The following PAH variants were observed in gnomAD, a reference collection of about 807,000 sequenced individuals.
PAH encodes phenylalanine-4-hydroxylase.
Under a neutral mutation model 62.0 loss-of-function variants are expected in PAH, and 64 were observed. The observed-to-expected ratio is 1.03, with a 90% CI of 0.84 to 1.27. The LOEUF is 1.27. Ranked by LOEUF, PAH falls within the 50% of genes most tolerant of loss-of-function variation. PAH has a pLI of 0.00. For synonymous variants in PAH, 195 were observed against 196.2 expected, an observed-to-expected ratio of 0.99 and a Z score of 0.05; for missense variants, 579 against 542.8, an observed-to-expected ratio of 1.07 and a Z score of -0.66.
chr12:102,950,703 T>C (rs138673112), exon 1 of PAH: 2 of 152,344 alleles, frequency 1.3e-5, no homozygotes, highest in East Asian at 3.9e-4. Flanking sequence ...CCTAGCCCTG[T>C]TGAACGCAAG....
chr12:102,944,135 A>ATCCGCTAC (rs1397887554), intron 1 of PAH, among the ~76,000 whole-genome samples: 1 of 152,154 alleles, frequency 6.6e-6, no homozygotes, highest in East Asian at 1.9e-4. Flanking sequence ...CTACTGTCAG[A>ATCCGCTAC]TGTATTGGAG....
chr12:102,902,128 T>G (rs1273329237), intron 2 of PAH, among the ~76,000 whole-genome samples: 1 of 152,114 alleles, frequency 6.6e-6, no homozygotes, highest in African/African-American at 2.4e-5. Flanking sequence ...CCTTTAAGCA[T>G]GAACCTGAAA....
intron 5 of PAH, among the ~76,000 whole-genome samples, chr12:102,861,462 A>C (rs895307733): frequency 2.0e-5 from 3 of 152,196 alleles, no homozygotes; most frequent in African/African-American, 4.8e-5. Context: ...ACCATTTGAC[A>C]CAGCCATCCC....
At chr12:102,870,508 A>C (rs546463129) in intron 4 of PAH, among the ~76,000 whole-genome samples, 1 of 152,178 alleles carries the variant, frequency 6.6e-6, no homozygotes, top group African/African-American at 2.4e-5. Context: ...TGCTCAAAGC[A>C]TGATGCATTT....
chr12:102,843,608 C>T (rs372558114), intron 11 of PAH, 38 bp downstream of exon 11: 2 of 1,611,700 alleles, frequency 1.2e-6, no homozygotes, highest in Admixed American at 3.3e-5. Context: ...AGTCAGGAGG[C>T]CCCCAGAGCT....
intron 1 of PAH, among the ~76,000 whole-genome samples, chr12:102,926,427 AAG>A (rs1259229371): frequency 6.6e-6 from 1 of 151,918 alleles, no homozygotes; most frequent in Admixed American, 6.6e-5. Context: ...GGGGCGGGTA[AAG>A]AGAGTGAAAA....
chr12:102,879,416 C>G (rs937474), intron 3 of PAH, among the ~76,000 whole-genome samples: 71,952 of 150,902 alleles, frequency 0.48, 18,487 homozygotes, highest in African/African-American at 0.64. Context: ...GGGAAATTCC[C>G]TCCGTGATCT....
chr12:102,869,542 AG>A (rs1322253321), intron 4 of PAH, among the ~76,000 whole-genome samples: 1 of 152,254 alleles, frequency 6.6e-6, no homozygotes, highest in Non-Finnish European at 1.5e-5. Flanking sequence ...AAATCATTTT[AG>A]TGAAGTAGCA....
chr12:102,948,186 C>T (rs181671622), intron 1 of PAH, among the ~76,000 whole-genome samples: 66 of 152,116 alleles, frequency 4.3e-4, no homozygotes, highest in Admixed American at 5.2e-4. Flanking sequence ...TGGGAAGGTA[C>T]GCATTTTATA....
At chr12:102,951,870 T>A (rs78539371), upstream of PAH, among the ~76,000 whole-genome samples, 1 of 152,164 alleles carries the variant, frequency 6.6e-6, no homozygotes, top group South Asian at 2.1e-4. Flanking sequence ...TCCTTCTCTT[T>A]CTCTCTTGCC....
At chr12:102,847,172 C>T (rs1444006437) in intron 8 of PAH, 4 of 571,734 alleles carry the variant, frequency 7.0e-6, no homozygotes, top group Non-Finnish European at 1.3e-5. Flanking sequence ...TTTGTTTTCA[C>T]TTTATAAGTG....
upstream of PAH, among the ~76,000 whole-genome samples, chr12:102,920,018 G>A (rs370341878): frequency 6.6e-6 from 1 of 152,044 alleles, no homozygotes; most frequent in Non-Finnish European, 1.5e-5. Flanking sequence ...TTGGGGAACT[G>A]CCAAACTGTT....
intron 2 of PAH, among the ~76,000 whole-genome samples, chr12:102,899,675 C>T (rs934074880): frequency 7.3e-5 from 11 of 150,294 alleles, no homozygotes; most frequent in East Asian, 2.0e-4. Context: ...CCAGCTAAAA[C>T]GGTGAAACCC....
At chr12:102,922,357 C>G (rs975431330) in intron 1 of PAH, among the ~76,000 whole-genome samples, 1 of 152,028 alleles carries the variant, frequency 6.6e-6, no homozygotes, top group Non-Finnish European at 1.5e-5. Flanking sequence ...CCATGCCCAG[C>G]TAATTTTTTG....
Position 102,956,995 on chromosome 12 carries a change from T to G in PAH, c.-96+1200A>C, listed in dbSNP as rs114276982. 2.4e-3 allele frequency among the ~76,000 whole-genome samples: 364 copies of G among 152,284 alleles called. 2 individuals carry two copies. The highest frequency in any genetic ancestry group is 8.0e-3 in the African/African-American group (333 of 41,558). ...GCCACAGAGCATTGAGAGGACGCCT[T>G]GGGACTAGAACCCACGTTTTCACAT... On this transcript the variant is annotated intron_variant, in intron 1 of 4. Coordinates refer to the PAH transcript ENST00000551337.
intron 5 of PAH, among the ~76,000 whole-genome samples, chr12:102,859,432 C>T (rs1007858964): frequency 6.6e-6 from 1 of 152,134 alleles, no homozygotes; most frequent in African/African-American, 2.4e-5. Flanking sequence ...TGAAACTATT[C>T]CAATCAATAG....
At position 102,868,176 on chromosome 12, in the gene PAH, G is replaced by GTGTA. The variant is rs1263645816; in HGVS notation, c.442-1514_442-1513insTACA. Among the ~76,000 whole-genome samples, 7 of 2,392 alleles carry GTGTA rather than the reference G, an allele frequency of 2.9e-3. 1 individual carries two copies. The highest frequency in any genetic ancestry group is 0.011 in the African/African-American group (7 of 660). The allele number at this position is 2,392 out of a possible 152,430, so 1.6% of individuals were successfully genotyped here. On this transcript the variant is annotated intron_variant, in intron 4 of 12. Transcript: ENST00000553106. ...TATACACATATATATACATATATGT[G>GTGTA]TATATATATATATATATATATATAT...
chr12:102,864,365 G>A (rs1009269106), intron 5 of PAH, among the ~76,000 whole-genome samples: 1 of 152,134 alleles, frequency 6.6e-6, no homozygotes, highest in African/African-American at 2.4e-5. Flanking sequence ...ACCAGCCCCT[G>A]AAGTCTAAAG....
At chr12:102,958,417 A>AGCAGCAGCAGCAGCAGGCGCC, upstream of PAH, 1 of 1,538,586 alleles carries the variant, frequency 6.5e-7, no homozygotes, top group Non-Finnish European at 8.8e-7. Context: ...CAGCAGCAGC[A>AGCAGCAGCAGCAGCAGGCGCC]GCAGCAGCAG....
Sources: allele counts gnomAD v4.1 joint callset (sites outside exome capture counted in the v4.1 genomes callset), GRCh38; gene constraint gnomAD v4.1.1; transcripts MANE v1.5; gene names NCBI Gene and HGNC (gene_info 2026-07-23, HGNC 2026-07-21).